The following RAPGEF1 variants were observed in gnomAD, a reference collection of about 807,000 sequenced individuals.
The protein encoded by RAPGEF1 is CRK SH3-binding GNRP.
A neutral mutation model predicts 143.3 loss-of-function variants in RAPGEF1; 33 were observed. That is an observed-to-expected ratio of 0.23 (90% CI 0.17 to 0.31). The LOEUF is 0.31. RAPGEF1 is among the 10% of genes least tolerant of loss of function. The probability of loss-of-function intolerance (pLI) is 1.00; values close to 1 mark genes in which losing one functional copy is unlikely to be tolerated. For missense variants in RAPGEF1, 1,199 were observed against 1,645.4 expected (o/e 0.73, Z 4.69); for synonymous variants, 629 against 676.5 (o/e 0.93, Z 1.09).
rs1258943874 is a variant in RAPGEF1 at position 131,580,477 on chromosome 9, G to T, written c.3513-86C>A. On this transcript the variant is annotated intron_variant, in intron 25 of 26. Transcript: ENST00000683357. Reference sequence around the variant, plus strand: ...AGACATGTGTCAGGCGCTAGGACTCGCAGTGAGCAGCTTCCAAACCCCAGA... The same window carrying T: ...AGACATGTGTCAGGCGCTAGGACTCTCAGTGAGCAGCTTCCAAACCCCAGA... 72 of 1,447,762 alleles carry T rather than the reference G, an allele frequency of 5.0e-5. No homozygotes were observed. The East Asian group carries it at 1.7e-3, about 34-fold the overall frequency. 89.7% of individuals were successfully genotyped at this position (1,447,762 alleles called of 1,614,324 possible).
At chr9:131,626,963 C>T (rs1963307537) in intron 9 of RAPGEF1, among the ~76,000 whole-genome samples, 1 of 145,210 alleles carries the variant, frequency 6.9e-6, no homozygotes, top group South Asian at 2.3e-4. Flanking sequence ...TGGCTGGGCA[C>T]GCTGGCCCAC....
chr9:131,654,092 A>G (rs1304534475), intron 1 of RAPGEF1, among the ~76,000 whole-genome samples: 4 of 152,246 alleles, frequency 2.6e-5, no homozygotes, highest in African/African-American at 9.6e-5. Context: ...ATAGAGACAG[A>G]AAGTAGATTG....
intron 5 of RAPGEF1, among the ~76,000 whole-genome samples, chr9:131,633,566 G>T (rs1355943678): frequency 6.6e-6 from 1 of 152,220 alleles, no homozygotes; most frequent in African/African-American, 2.4e-5. Context: ...TGGAGAGGCA[G>T]CTGTGAACTC....
At position 131,628,630 on chromosome 9, in the gene RAPGEF1, CG is replaced by C. The variant is rs2133045230; in HGVS notation, c.935del (p.Pro312ArgfsTer12). On this transcript the variant is annotated frameshift_variant, in exon 8 of 27. Coordinates refer to ENST00000683357, the MANE Select transcript of RAPGEF1 (RefSeq NM_001377935.1). LOFTEE classifies it high-confidence loss of function. The surrounding 1 kb of genome is among the most constrained non-coding windows in gnomAD (Gnocchi z 5.7). Reference protein sequence around the residue: ...ALPPKKRQSAPSPTRVAVVAP... With the variant: ...ALPPKKRQSAXSPTRVAVVAP... Reference sequence around the variant, plus strand: ...CCACCACAGCCACTCGGGTAGGGGACGGCGCCGACTGTCTTTTCTTGGGTGG... The same window carrying C: ...CCACCACAGCCACTCGGGTAGGGGACGCGCCGACTGTCTTTTCTTGGGTGG... 1 of 1,611,410 alleles carries C rather than the reference CG, an allele frequency of 6.2e-7. No individual in the cohort carries two copies. Among genetic ancestry groups the C allele is most frequent in the Admixed American group, 1.7e-5 (1 of 59,910 alleles).
intron 6 of RAPGEF1, among the ~76,000 whole-genome samples, chr9:131,629,884 T>G (rs1454394157): frequency 6.6e-6 from 1 of 152,132 alleles, no homozygotes; most frequent in Non-Finnish European, 1.5e-5. Context: ...CATGTCATCC[T>G]CAGTTTACTC....
At position 131,654,100 on chromosome 9, in the gene RAPGEF1, T is replaced by C. The variant is rs533437897; in HGVS notation, c.62-3151A>G. The stretch of plus-strand genomic sequence containing the variant: ...CAAATCCATAGAGACAGAAAGTAGA[T>C]TGGTGGTTGCCTAAGACTGGACGGG... On this transcript the variant is annotated intron_variant, in intron 1 of 26. Transcript: ENST00000683357. 3.9e-5 allele frequency among the ~76,000 whole-genome samples: 6 copies of C among 152,292 alleles called. No individual in the cohort carries two copies. In the South Asian group the frequency reaches 6.2e-4, roughly 16 times the overall value.
In RAPGEF1 at chr9:131,648,609, T is replaced by C. The variant is rs528535975; in HGVS notation, c.315+1520A>G. The stretch of plus-strand genomic sequence containing the variant: ...CGGCTACAAGAGGTTACTAAACAGA[T>C]TGCAATAAAAAATAACTGTGGCACA... On this transcript the variant is annotated intron_variant, in intron 3 of 26. Transcript: ENST00000683357. Among the ~76,000 whole-genome samples the C allele has an allele frequency of 3.3e-5, 5 of 152,256 alleles. No homozygotes were observed. The East Asian group carries it at 7.7e-4, about 23-fold the overall frequency.
In RAPGEF1 at chr9:131,630,103, A is replaced by G. The variant is rs567815547; in HGVS notation, c.740+133T>C. ...TGTGTGAAATATACACACACTGCTAACCACTGAAAAAGGAATATGGGCCTC... is the reference window on the plus strand; with the variant it reads ...TGTGTGAAATATACACACACTGCTAGCCACTGAAAAAGGAATATGGGCCTC... On this transcript the variant is annotated intron_variant, in intron 6 of 26. Coordinates refer to ENST00000683357, the MANE Select transcript of RAPGEF1 (RefSeq NM_001377935.1). 254 of 714,004 alleles carry G rather than the reference A, an allele frequency of 3.6e-4. 4 individuals are homozygous for G. The South Asian group carries it at 4.1e-3, about 11-fold the overall frequency. 44.2% of individuals were successfully genotyped at this position (714,004 alleles called of 1,614,324 possible). A position where few individuals can be genotyped will look rare whatever the true frequency, so the allele number is the denominator to read the frequency against.
chr9:131,604,913 T>G lies in RAPGEF1; in HGVS notation c.2319+18A>C. On this transcript the variant is annotated intron_variant, in intron 13 of 26. Transcript: ENST00000683357. ...GTGTGTGTGTGTGTGTGTGTGTGTG[T>G]GCACGCTGAGTTCTCACCGAGTCAG... is the stretch of plus-strand genomic sequence containing the variant. 7.8e-7 allele frequency: 1 copy of G among 1,287,422 alleles called. No homozygotes were observed. The highest frequency in any genetic ancestry group is 1.3e-5 in the South Asian group (1 of 79,648). 79.7% of individuals were successfully genotyped at this position (1,287,422 alleles called of 1,614,324 possible). A position where few individuals can be genotyped will look rare whatever the true frequency, so the allele number is the denominator to read the frequency against.
intron 1 of RAPGEF1, among the ~76,000 whole-genome samples, chr9:131,691,980 G>A (rs1419243474): frequency 1.3e-5 from 2 of 152,096 alleles, no homozygotes; most frequent in Non-Finnish European, 2.9e-5. Context: ...TCCAGAATTC[G>A]GAAATTATTT....
At chr9:131,616,952 G>A (rs1959101671) in intron 12 of RAPGEF1, among the ~76,000 whole-genome samples, 1 of 152,126 alleles carries the variant, frequency 6.6e-6, no homozygotes, top group Non-Finnish European at 1.5e-5. Flanking sequence ...ATGACATAAG[G>A]ACCTTATAAG....
chr9:131,671,551 G>C (rs1831393702), intron 1 of RAPGEF1, among the ~76,000 whole-genome samples: 1 of 152,386 alleles, frequency 6.6e-6, no homozygotes, highest in East Asian at 1.9e-4. Flanking sequence ...TGCAGGCTCT[G>C]CACTCAGGTG....
rs1967795749 is a variant in RAPGEF1, at chr9:131,641,016, C to T, written c.494+2223G>A. Among the ~76,000 whole-genome samples, 1 of 152,156 alleles carries T rather than the reference C, an allele frequency of 6.6e-6. No homozygotes were observed. The highest frequency in any genetic ancestry group is 1.5e-5 in the Non-Finnish European group (1 of 68,026). Reference sequence around the variant, plus strand: ...CACACCCAGGCACTTCCCATTTTCTCCTCTAGGAAATGGTTATAGACATTC... The same window carrying T: ...CACACCCAGGCACTTCCCATTTTCTTCTCTAGGAAATGGTTATAGACATTC... On this transcript the variant is annotated intron_variant, in intron 4 of 26. Transcript: ENST00000683357. The surrounding 1 kb of genome is among the most constrained non-coding windows in gnomAD (Gnocchi z 4.6).
chr9:131,696,760 G>T (rs1345079646), intron 1 of RAPGEF1, among the ~76,000 whole-genome samples: 1 of 152,158 alleles, frequency 6.6e-6, no homozygotes, highest in Non-Finnish European at 1.5e-5. Context: ...TGACTAAATG[G>T]ATACGAAATA....
chr9:131,696,674 C>A (rs1371485931), intron 1 of RAPGEF1, among the ~76,000 whole-genome samples: 1 of 152,206 alleles, frequency 6.6e-6, no homozygotes, highest in Non-Finnish European at 1.5e-5. Context: ...CTCATCATAA[C>A]CTGAACAGAA....
intron 12 of RAPGEF1, among the ~76,000 whole-genome samples, chr9:131,616,672 G>A (rs755187272): frequency 6.6e-6 from 1 of 152,172 alleles, no homozygotes; most frequent in Non-Finnish European, 1.5e-5. Flanking sequence ...TTTGTCAACT[G>A]CTGTGTTTCC....
rs551941172 is a variant in RAPGEF1 at position 131,685,336 on chromosome 9, C to T, written c.62-34387G>A. ...AGGCCCCCCAAAATCTGGCCATAAA[C>T]TGGCCCCAAAACTGGCCATAAACAA... is the stretch of plus-strand genomic sequence containing the variant. On this transcript the variant is annotated intron_variant, in intron 1 of 26. Transcript: ENST00000683357. 3.9e-5 allele frequency among the ~76,000 whole-genome samples: 6 copies of T among 152,356 alleles called. No homozygotes were observed. The South Asian group carries it at 1.2e-3, about 32-fold the overall frequency.
chr9:131,602,776 C>T (rs546871766), intron 14 of RAPGEF1, among the ~76,000 whole-genome samples: 31 of 152,354 alleles, frequency 2.0e-4, no homozygotes, highest in African/African-American at 6.0e-4. Flanking sequence ...CCTCTTCCTC[C>T]GGCAGACTTG....
chr9:131,674,398 T>A (rs982224579), intron 1 of RAPGEF1, among the ~76,000 whole-genome samples: 3 of 152,166 alleles, frequency 2.0e-5, no homozygotes, highest in African/African-American at 7.2e-5. Flanking sequence ...GCTTTAAAAT[T>A]CTGCCCTCTT....
Sources: gnomAD v4.1 joint callset for allele counts (sites outside exome capture counted in the v4.1 genomes callset) on GRCh38, gnomAD v4.1.1 for gene constraint, Gnocchi (gnomAD v3.1) non-coding constraint, MANE v1.5 for transcripts, NCBI Gene and HGNC (gene_info 2026-07-23, HGNC 2026-07-21) for gene names.